The following FANCB variants were observed in gnomAD, a reference collection of about 807,000 sequenced individuals.
FANCB encodes the protein FA complementation group B.
A neutral mutation model predicts 38.9 loss-of-function variants in FANCB; 5 were observed. That is an observed-to-expected ratio of 0.13 (90% CI 0.07 to 0.27). The LOEUF (loss-of-function observed/expected upper bound fraction) is 0.27. Ranked by LOEUF, FANCB falls within the 10% of genes least tolerant of loss-of-function variation. The pLI is 1.00. For synonymous variants in FANCB, 236 were observed against 215.4 expected, an observed-to-expected ratio of 1.10 and a Z score of -0.84; for missense variants, 573 against 602.7, an observed-to-expected ratio of 0.95 and a Z score of 0.52.
the FANCB span, among the ~76,000 whole-genome samples, chrX:14,805,743 G>A: frequency 1.8e-5 from 2 of 111,843 alleles, no homozygotes; most frequent in African/African-American, 3.3e-5. Context: ...TTTTGAGCAC[G>A]ATGTTCTGCA....
chrX:14,769,001 G>T, the FANCB span, among the ~76,000 whole-genome samples: 1 of 111,505 alleles, frequency 9.0e-6, no homozygotes, highest in African/African-American at 3.3e-5. Flanking sequence ...GCATCCCAGG[G>T]ATGAAGCCAA....
the FANCB span, among the ~76,000 whole-genome samples, chrX:14,797,105 C>T: frequency 8.9e-6 from 1 of 111,830 alleles, no homozygotes; most frequent in South Asian, 3.7e-4. Context: ...AATACTCTCA[C>T]ATACACACAG....
At chrX:14,786,867 T>A in the FANCB span, among the ~76,000 whole-genome samples, 2 of 111,788 alleles carry the variant, frequency 1.8e-5, no homozygotes, top group East Asian at 5.6e-4. Flanking sequence ...ACCAGAAGAA[T>A]CTGTCTATAA....
rs2147386620 is a variant in FANCB, at chrX:14,843,714, G to C, written c.2433C>G (p.Pro811=). ...TTTCTCTCTGAAGTTCTTTTCTGTA[G>C]GGATGGATATTTTCCCTTCTGTCTG... ...ALSDRRENIH[P]YRKELQREKK... is the part of the protein sequence containing the mutation. Residue 811 remains proline (P), a synonymous_variant, in exon 10 of 10, where the codon CCC becomes CCG. Coordinates refer to ENST00000650831, the MANE Select transcript of FANCB (RefSeq NM_001018113.3). The C allele has an allele frequency of 8.3e-7, 1 of 1,210,997 alleles. No individual in the cohort carries two copies. Among genetic ancestry groups the C allele is most frequent in the Non-Finnish European group, 1.1e-6 (1 of 895,116 alleles).
intron 6 of FANCB, among the ~76,000 whole-genome samples, chrX:14,852,392 C>T (rs1001952825): frequency 9.0e-6 from 1 of 110,918 alleles, no homozygotes; most frequent in African/African-American, 3.3e-5. Flanking sequence ...CTGTCTCAAT[C>T]TCTTGACCTC....
At chrX:14,738,389 T>A in the FANCB span, among the ~76,000 whole-genome samples, 2 of 112,215 alleles carry the variant, frequency 1.8e-5, no homozygotes. Flanking sequence ...GAGACCTTCT[T>A]ACCTGTTTTC....
chrX:14,848,769 C>T (rs1412280118), intron 7 of FANCB, among the ~76,000 whole-genome samples: 3 of 111,413 alleles, frequency 2.7e-5, no homozygotes, highest in Non-Finnish European at 5.7e-5. Context: ...TAAAGAATTA[C>T]TTCATCCCCA....
intron 4 of FANCB, among the ~76,000 whole-genome samples, chrX:14,858,954 C>CA (rs2092434806): frequency 1.8e-5 from 2 of 110,605 alleles, no homozygotes; most frequent in East Asian, 5.7e-4. Flanking sequence ...TAAGTGACCA[C>CA]CAAATGTACT....
At chrX:14,818,295 C>T in the FANCB span, among the ~76,000 whole-genome samples, 976 of 103,486 alleles carry the variant, frequency 9.4e-3, 6 homozygotes, top group African/African-American at 0.032. Context: ...AAAGAAGGTA[C>T]GGGGTGGGGT....
chrX:14,829,539 AC>A, the FANCB span, among the ~76,000 whole-genome samples: 1 of 111,361 alleles, frequency 9.0e-6, no homozygotes, highest in African/African-American at 3.3e-5. Flanking sequence ...TAGTATGGCT[AC>A]CTTTATTTGT....
chrX:14,708,947 G>T, the FANCB span, among the ~76,000 whole-genome samples: 1 of 102,505 alleles, frequency 9.8e-6, no homozygotes, highest in Non-Finnish European at 2.0e-5. Flanking sequence ...CACACAAAAA[G>T]AAAAAAAAAA....
At chrX:14,709,192 G>A in the FANCB span, among the ~76,000 whole-genome samples, 7 of 110,926 alleles carry the variant, frequency 6.3e-5, no homozygotes, top group South Asian at 2.3e-3. Context: ...TATGATCACG[G>A]CACTGCACTG....
chrX:14,766,681 T>A, the FANCB span, among the ~76,000 whole-genome samples: 121 of 109,816 alleles, frequency 1.1e-3, no homozygotes, highest in Non-Finnish European at 2.0e-3. Flanking sequence ...CTTTTTTTTT[T>A]AAATTTTCTT....
At chrX:14,756,224 A>G in the FANCB span, among the ~76,000 whole-genome samples, 1 of 112,052 alleles carries the variant, frequency 8.9e-6, no homozygotes, top group Non-Finnish European at 1.9e-5. Flanking sequence ...CACTAGAAAA[A>G]GAAAACTTAG....
rs1297272756 is a variant in FANCB, at chrX:14,850,803, T to C, written c.1327-129A>G. ...CAAACATTTAAAAACAAATAACATA[T>C]CATATTATAGATTATACACAATTTA... On this transcript the variant is annotated intron_variant, in intron 6 of 9. Coordinates refer to ENST00000650831, the MANE Select transcript of FANCB (RefSeq NM_001018113.3). 6.7e-6 allele frequency: 3 copies of C among 446,188 alleles called. No homozygotes were observed. The African/African-American group carries it at 7.4e-5, about 11-fold the overall frequency. The allele number at this position is 446,188 out of a possible 1,213,427, so 36.8% of individuals were successfully genotyped here. A position where few individuals can be genotyped will look rare whatever the true frequency, so the allele number is the denominator to read the frequency against.
the FANCB span, among the ~76,000 whole-genome samples, chrX:14,797,548 G>T: frequency 1.8e-5 from 2 of 109,791 alleles, no homozygotes; most frequent in Admixed American, 1.9e-4. Context: ...CAGGTGTGCT[G>T]GTGTGCACCT....
Position 14,865,150 on chromosome X carries a change from G to A in FANCB, c.361C>T (p.Arg121Cys), listed in dbSNP as rs145928137. 13 of 1,193,405 alleles carry A rather than the reference G, an allele frequency of 1.1e-5. No homozygotes were observed. The highest frequency in any genetic ancestry group is 3.5e-5 in the African/African-American group (2 of 56,422). ...ILHSTNKFEM[R>C]LSFKLGYEMK... ...TCATAGCCTAGTTTAAAACTCAAAC[G>A]CATTTCAAATTTATTAGTACTGTGA... Residue 121 changes from arginine to cysteine, a missense_variant, in exon 3 of 10, where the codon CGT (arginine) becomes TGT (cysteine). Physicochemically the swap from Arg to Cys is radical, Grantham distance 180. Coordinates refer to ENST00000650831, the MANE Select transcript of FANCB (RefSeq NM_001018113.3).
chrX:14,738,767 T>G, the FANCB span, among the ~76,000 whole-genome samples: 3 of 112,240 alleles, frequency 2.7e-5, no homozygotes, highest in Non-Finnish European at 5.6e-5. Flanking sequence ...GGCTGTAGAT[T>G]TTTAAAAATC....
chrX:14,813,994 C>A, the FANCB span, among the ~76,000 whole-genome samples: 1 of 111,584 alleles, frequency 9.0e-6, no homozygotes, highest in Non-Finnish European at 1.9e-5. Context: ...ACCAATGGAA[C>A]AGAACAGAAG....
Sources: gnomAD v4.1 joint callset for allele counts (sites outside exome capture counted in the v4.1 genomes callset) on GRCh38, gnomAD v4.1.1 for gene constraint, MANE v1.5 for transcripts, NCBI Gene and HGNC (gene_info 2026-07-23, HGNC 2026-07-21) for gene names.